Variants in LRRC75B observed in about 807,000 individuals in gnomAD.
LRRC75B encodes the protein leucine rich repeat containing 75B, also known as leucine-rich repeat-containing protein 75B.
A neutral mutation model predicts 16.5 loss-of-function variants in LRRC75B; 20 were observed. The observed-to-expected ratio is 1.21, with a 90% confidence interval of 0.85 to 1.76. The LOEUF is 1.76. LRRC75B is among the 40% of genes most tolerant of loss of function. LRRC75B has a pLI of 0.00. For synonymous variants in LRRC75B, 199 were observed against 198.1 expected, an observed-to-expected ratio of 1.00 and a Z score of -0.04; for missense variants, 406 against 417.0, an observed-to-expected ratio of 0.97 and a Z score of 0.23.
chr22:24,589,696 T>C (rs1326525316), intron 2 of LRRC75B, 125 bp downstream of exon 2: 8 of 1,115,524 alleles, frequency 7.2e-6, no homozygotes, highest in Non-Finnish European at 9.9e-6. Context: ...ACAGGGACAG[T>C]GACTTGCCTA....
At position 24,592,843 on chromosome 22, in the gene LRRC75B, C is replaced by T. The variant is rs1807809774; in HGVS notation, c.177+20G>A. The T allele has an allele frequency of 6.3e-6, 8 of 1,274,696 alleles. No individual in the cohort carries two copies. The highest frequency in any genetic ancestry group is 7.9e-6 in the Non-Finnish European group (8 of 1,009,712). 79.0% of individuals were successfully genotyped at this position (1,274,696 alleles called of 1,614,324 possible). A position where few individuals can be genotyped will look rare whatever the true frequency, so the allele number is the denominator to read the frequency against. On this transcript the variant is annotated intron_variant, in intron 1 of 3. Transcript: ENST00000318753. Reference sequence around the variant, plus strand: ...CCCTCCCTGGCCGCCAGCCCAGGGGCGGACGGCTCCTTCTCTCGCCTGGCG... The same window carrying T: ...CCCTCCCTGGCCGCCAGCCCAGGGGTGGACGGCTCCTTCTCTCGCCTGGCG...
Position 24,589,886 on chromosome 22 carries a change from G to A in LRRC75B, c.241C>T (p.Pro81Ser), listed in dbSNP as rs1459752214. 3 of 1,613,710 alleles carry A rather than the reference G, an allele frequency of 1.9e-6. No homozygotes were observed. The highest frequency in any genetic ancestry group is 1.3e-5 in the African/African-American group (1 of 74,936). Residue 81 changes from proline to serine, a missense_variant, in exon 2 of 4, where the codon CCG (proline) becomes TCG (serine). By Grantham distance (74) the Pro-to-Ser change is moderately conservative. Coordinates refer to ENST00000318753, the MANE Select transcript of LRRC75B (RefSeq NM_207644.3). ...AGGTCATGGGAGATGGGGTCGACCG[G>A]GTTGAGGAAGGCCACATCTCTGTAG... is the stretch of plus-strand genomic sequence containing the variant. ...ILYRDVAFLN[P>S]VDPISHDLLV...
intron 2 of LRRC75B, chr22:24,589,527 CAGCTAT>C (rs2045505041): frequency 4.4e-6 from 2 of 453,346 alleles, no homozygotes; most frequent in Non-Finnish European, 3.4e-6. Flanking sequence ...GACTTCTGCC[CAGCTAT>C]AGTCTTCCTG....
chr22:24,586,661 A>G (rs999135063), intron 3 of LRRC75B, among the ~76,000 whole-genome samples: 1 of 152,224 alleles, frequency 6.6e-6, no homozygotes, highest in African/African-American at 2.4e-5. Context: ...CCTCCCAAGT[A>G]GCTGGGATTA....
At chr22:24,591,542 G>A (rs1008812278) in intron 1 of LRRC75B, among the ~76,000 whole-genome samples, 4 of 152,228 alleles carry the variant, frequency 2.6e-5, no homozygotes, top group Admixed American at 1.3e-4. Context: ...GTGGGTCACA[G>A]CTGCAGGGTC....
chr22:24,589,698 A>G, intron 2 of LRRC75B, 123 bp downstream of exon 2: 1 of 1,135,882 alleles, frequency 8.8e-7, no homozygotes, highest in South Asian at 1.7e-5. Flanking sequence ...AGGGACAGTG[A>G]CTTGCCTAAG....
Position 24,588,285 on chromosome 22 carries a change from G to T in LRRC75B, c.351C>A (p.Leu117=), listed in dbSNP as rs550748808. 7.4e-6 allele frequency: 12 copies of T among 1,613,644 alleles called. No individual in the cohort carries two copies. The South Asian group carries it at 1.2e-4, about 16-fold the overall frequency. ...TCGAGTGAGGGGTGAGGTGGTAGATGAGCTGTCGGCAGATCTTGTCCGAGG... is the reference window on the plus strand; with the variant it reads ...TCGAGTGAGGGGTGAGGTGGTAGATTAGCTGTCGGCAGATCTTGTCCGAGG... ...WKSSDKICRQ[L]IYHLTPHSKQ... is the part of the protein sequence containing the mutation. The change falls in exon 3 of 4, where the codon CTC becomes CTA. Residue 117 remains leucine, a synonymous_variant. Coordinates refer to ENST00000318753, the MANE Select transcript of LRRC75B (RefSeq NM_207644.3).
At chr22:24,587,325 G>T (rs2045425027) in intron 3 of LRRC75B, among the ~76,000 whole-genome samples, 1 of 152,194 alleles carries the variant, frequency 6.6e-6, no homozygotes, top group South Asian at 2.1e-4. Flanking sequence ...GGGAAGTTCA[G>T]AGACTGAGAA....
intron 1 of LRRC75B, among the ~76,000 whole-genome samples, chr22:24,591,997 G>T (rs874852): frequency 6.6e-6 from 1 of 152,020 alleles, no homozygotes; most frequent in Non-Finnish European, 1.5e-5. Context: ...GGGCCCTGGG[G>T]TGACCACTTC....
At chr22:24,592,811 C>A in intron 1 of LRRC75B, 52 bp downstream of exon 1, 2 of 1,265,740 alleles carry the variant, frequency 1.6e-6, no homozygotes, top group Admixed American at 4.1e-5. Flanking sequence ...ACCCCCAGAC[C>A]CCCAGACCCT....
At chr22:24,590,027 T>C in intron 1 of LRRC75B, 78 bp from the exon 2 acceptor site, 1 of 1,436,518 alleles carries the variant, frequency 7.0e-7, no homozygotes, top group Non-Finnish European at 9.2e-7. Flanking sequence ...AGCCAGATGC[T>C]GCTTATGCCC....
At position 24,585,883 on chromosome 22, in the gene LRRC75B, G is replaced by A. The variant is rs750972396; in HGVS notation, c.*3C>T. On this transcript the variant is annotated 3_prime_UTR_variant, in exon 4 of 4. Transcript: ENST00000318753. Reference sequence around the variant, plus strand: ...AGTAGCAATGAGCCAGGTGGGTGGTGGGTCACCTGGCACAGCAGGCCTGGG... The same window carrying A: ...AGTAGCAATGAGCCAGGTGGGTGGTAGGTCACCTGGCACAGCAGGCCTGGG... 12 of 1,574,452 alleles carry A rather than the reference G, an allele frequency of 7.6e-6. No homozygotes were observed. The highest frequency in any genetic ancestry group is 1.7e-4 in the Middle Eastern group (1 of 5,908).
At chr22:24,589,221 A>G (rs1001230668) in intron 2 of LRRC75B, 1 of 1,255,210 alleles carries the variant, frequency 8.0e-7, no homozygotes, top group East Asian at 6.9e-5. Flanking sequence ...GTCGATGCTC[A>G]TGGCAGGACA....
At chr22:24,590,598 G>A (rs951588403) in intron 1 of LRRC75B, among the ~76,000 whole-genome samples, 3 of 152,130 alleles carry the variant, frequency 2.0e-5, no homozygotes, top group Non-Finnish European at 4.4e-5. Flanking sequence ...GGGGGGGTTT[G>A]CTCTTCTTAT....
At chr22:24,591,952 GGCTCTGGCCCT>G (rs2045579832) in intron 1 of LRRC75B, among the ~76,000 whole-genome samples, 2 of 152,210 alleles carry the variant, frequency 1.3e-5, no homozygotes, top group South Asian at 4.1e-4. Context: ...GAGGAAGAAG[GGCTCTGGCCCT>G]GGCTTGCCCC....
chr22:24,589,023 G>C (rs2045486598), intron 2 of LRRC75B: 7 of 1,022,218 alleles, frequency 6.8e-6, no homozygotes, highest in Non-Finnish European at 7.1e-6. Context: ...ACACACAGCA[G>C]CTGCAAGCCC....
chr22:24,586,552 A>G (rs1569034978), intron 3 of LRRC75B, 141 bp from the exon 4 acceptor site: 1 of 999,130 alleles, frequency 1.0e-6, no homozygotes, highest in Non-Finnish European at 1.5e-6. Flanking sequence ...ATTTTTTGAG[A>G]CAAAGTTTCG....
At chr22:24,592,449 T>A in intron 1 of LRRC75B, 1 of 469,572 alleles carries the variant, frequency 2.1e-6, no homozygotes, top group Non-Finnish European at 4.4e-6. Flanking sequence ...GTTACCCTCT[T>A]CCATTGTCTC....
chr22:24,590,069 G>A (rs918629173), intron 1 of LRRC75B, 120 bp from the exon 2 acceptor site: 8 of 1,221,396 alleles, frequency 6.5e-6, no homozygotes, highest in Middle Eastern at 4.8e-4. Context: ...CCCTAAGGCT[G>A]GCTGGATTCT....
Sources: allele counts gnomAD v4.1 joint callset (sites outside exome capture counted in the v4.1 genomes callset), GRCh38; gene constraint gnomAD v4.1.1; transcripts MANE v1.5; gene names NCBI Gene and HGNC (gene_info 2026-07-23, HGNC 2026-07-21).